PXYLP1: variants seen among roughly 807,000 people sequenced by gnomAD.
PXYLP1 encodes the protein acid phosphatase-like 2.
In PXYLP1, 17 loss-of-function variants were observed where a neutral mutation model predicts 37.9. The observed-to-expected ratio is 0.45, with a 90% CI of 0.31 to 0.67. PXYLP1 has a LOEUF of 0.67. Ranked by LOEUF, PXYLP1 falls within the 30% of genes least tolerant of loss-of-function variation. PXYLP1 has a pLI of 0.07. For synonymous variants in PXYLP1, 221 were observed against 232.2 expected (o/e 0.95, Z 0.44); for missense variants, 511 against 612.0 (o/e 0.84, Z 1.74).
At chr3:141,276,079 T>G (rs978956317) in intron 2 of PXYLP1, among the ~76,000 whole-genome samples, 1 of 152,224 alleles carries the variant, frequency 6.6e-6, no homozygotes, top group Admixed American at 6.5e-5. Flanking sequence ...CAGTTCAGGT[T>G]TGTAGCCTAG....
In PXYLP1 at chr3:141,232,802, CGCTTCGGCTGT is replaced by C. The variant is rs554112985; in HGVS notation, c.-54+893_-54+903del. On this transcript the variant is annotated intron_variant, in intron 1 of 5. Transcript: ENST00000286353. ...TGCAGGACGTGGAGCCATATTTTCCCGCTTCGGCTGTGAGTTCAGCGATTGCGAGGGGGCTC... is the reference window on the plus strand; with the variant it reads ...TGCAGGACGTGGAGCCATATTTTCCCGAGTTCAGCGATTGCGAGGGGGCTC... Among the ~76,000 whole-genome samples, 337 of 152,328 alleles carry C rather than the reference CGCTTCGGCTGT, an allele frequency of 2.2e-3. 1 individual carries two copies. Among genetic ancestry groups the C allele is most frequent in the Non-Finnish European group, 4.1e-3 (277 of 68,036 alleles).
chr3:141,281,819 C>CAAAGTTAGTTTCACAGGCTTGAGCAG (rs1941963338), intron 4 of PXYLP1, among the ~76,000 whole-genome samples: 4 of 152,248 alleles, frequency 2.6e-5, no homozygotes, highest in African/African-American at 9.6e-5. Flanking sequence ...TTGGGGCCCT[C>CAAAGTTAGTTTCACAGGCTTGAGCAG]AAAGTTAGTT....
At chr3:141,280,116 G>C (rs57758275) in intron 4 of PXYLP1, among the ~76,000 whole-genome samples, 19,529 of 152,228 alleles carry the variant, frequency 0.13, 1,598 homozygotes, top group African/African-American at 0.23. Flanking sequence ...TCTAAAATTA[G>C]AGGCATAGTT....
At position 141,292,361 on chromosome 3, in the gene PXYLP1, T is replaced by C. The variant is rs755325728; in HGVS notation, c.599T>C (p.Leu200Pro). The change falls in exon 6 of 6, where the codon CTC becomes CCC. Residue 200 changes from leucine to proline, a missense_variant. Transcript: ENST00000286353. This position sits in a 1 kb window ranked among gnomAD's most constrained non-coding sequence, Gnocchi z 4.3. ...LLPNDWSADQ[L>P]YLETTGKSRT... ...CCCAATGATTGGTCTGCAGACCAGC[T>C]CTATTTAGAGACCACTGGGAAAAGC... 5 of 1,614,012 alleles carry C rather than the reference T, an allele frequency of 3.1e-6. No homozygotes were observed. In the African/African-American group the frequency reaches 6.7e-5, roughly 22 times the overall value.
chr3:141,238,512 A>T (rs991539219), intron 1 of PXYLP1, among the ~76,000 whole-genome samples: 1 of 152,220 alleles, frequency 6.6e-6, no homozygotes, highest in Non-Finnish European at 1.5e-5. Flanking sequence ...CTTCATACCG[A>T]TAAGTCAGCA....
intron 4 of PXYLP1, among the ~76,000 whole-genome samples, chr3:141,281,624 G>A (rs1258224019): frequency 6.6e-6 from 1 of 152,210 alleles, no homozygotes; most frequent in Non-Finnish European, 1.5e-5. Context: ...GCATGAGCCA[G>A]AAGAGGGGCA....
intron 2 of PXYLP1, among the ~76,000 whole-genome samples, chr3:141,267,974 G>A (rs1356571509): frequency 6.6e-6 from 1 of 151,986 alleles, no homozygotes; most frequent in African/African-American, 2.4e-5. Flanking sequence ...ATTAGATGAG[G>A]GGATAGAGAT....
chr3:141,242,907 A>C lies in PXYLP1; in HGVS notation c.-54+10996A>C, dbSNP rs537735976. ...GCTGGTTTGGTCACTTCGAATCCCC[A>C]GCTTCTATAACTATCCTTGGCATAG... On this transcript the variant is annotated intron_variant, in intron 1 of 5. Transcript: ENST00000286353. 2.6e-5 allele frequency among the ~76,000 whole-genome samples: 4 copies of C among 152,358 alleles called. No homozygotes were observed. In the South Asian group the frequency reaches 8.3e-4, roughly 32 times the overall value.
At chr3:141,236,301 G>T (rs144364791) in intron 1 of PXYLP1, 1 of 152,202 alleles carries the variant, frequency 6.6e-6, no homozygotes, top group East Asian at 1.9e-4. Flanking sequence ...TCACCTGCTC[G>T]CCACCCTTAT....
chr3:141,244,276 T>C (rs990652759), intron 1 of PXYLP1, among the ~76,000 whole-genome samples: 1 of 152,222 alleles, frequency 6.6e-6, no homozygotes, highest in Non-Finnish European at 1.5e-5. Flanking sequence ...CTACACCTGC[T>C]TCAAGCCATT....
intron 3 of PXYLP1, among the ~76,000 whole-genome samples, chr3:141,279,174 C>T (rs144306267): frequency 2.0e-5 from 3 of 152,288 alleles, no homozygotes; most frequent in Non-Finnish European, 2.9e-5. Flanking sequence ...TCCTCTGTCC[C>T]GCCTTGTAAG....
intron 2 of PXYLP1, among the ~76,000 whole-genome samples, chr3:141,268,574 A>C (rs1302327701): frequency 1.3e-5 from 2 of 152,206 alleles, no homozygotes; most frequent in Non-Finnish European, 2.9e-5. Context: ...GTGAGTGCTG[A>C]TCAGAGGCAG....
intron 1 of PXYLP1, among the ~76,000 whole-genome samples, chr3:141,247,508 T>C (rs1025790647): frequency 6.6e-6 from 1 of 152,242 alleles, no homozygotes; most frequent in African/African-American, 2.4e-5. Flanking sequence ...TAGATGTCCA[T>C]CCTGATTCTA....
intron 1 of PXYLP1, among the ~76,000 whole-genome samples, chr3:141,253,887 T>C (rs1467625220): frequency 6.8e-6 from 1 of 147,986 alleles, no homozygotes; most frequent in Non-Finnish European, 1.5e-5. Context: ...GTATATTATA[T>C]ATAATATATA....
At chr3:141,268,204 AGAGTGTGT>A (rs1232194846) in intron 2 of PXYLP1, among the ~76,000 whole-genome samples, 249 of 29,592 alleles carry the variant, frequency 8.4e-3, no homozygotes, top group African/African-American at 0.018. Context: ...AGAGAGAGAG[AGAGTGTGT>A]GTGTGTGTGT....
intron 1 of PXYLP1, among the ~76,000 whole-genome samples, chr3:141,255,326 CAT>C (rs751136225): frequency 6.6e-6 from 1 of 152,198 alleles, no homozygotes; most frequent in African/African-American, 2.4e-5. Context: ...GCCCAACAGA[CAT>C]GTGATGACTG....
intron 1 of PXYLP1, among the ~76,000 whole-genome samples, chr3:141,248,810 TAC>T (rs1192291348): frequency 8.4e-6 from 1 of 118,994 alleles, no homozygotes; most frequent in Non-Finnish European, 1.9e-5. Context: ...CGTGTATATA[TAC>T]ACACGTATAT....
At chr3:141,240,293 C>T (rs558980889) in intron 1 of PXYLP1, among the ~76,000 whole-genome samples, 2 of 152,198 alleles carry the variant, frequency 1.3e-5, no homozygotes, top group Admixed American at 1.3e-4. Flanking sequence ...ACTGCTTAAA[C>T]AAAGTATGTT....
At chr3:141,254,172 C>T (rs917132164) in intron 1 of PXYLP1, among the ~76,000 whole-genome samples, 1 of 152,192 alleles carries the variant, frequency 6.6e-6, no homozygotes, top group African/African-American at 2.4e-5. Flanking sequence ...CACGGCCTCC[C>T]AAAGTACTGG....
Sources: gnomAD v4.1 joint callset for allele counts (sites outside exome capture counted in the v4.1 genomes callset) on GRCh38, gnomAD v4.1.1 for gene constraint, Gnocchi (gnomAD v3.1) non-coding constraint, MANE v1.5 for transcripts, NCBI Gene and HGNC (gene_info 2026-07-23, HGNC 2026-07-21) for gene names.